WDR43: variants seen among roughly 807,000 people sequenced by gnomAD.
WDR43 encodes the protein WD repeat domain 43.
A neutral mutation model predicts 91.4 loss-of-function variants in WDR43; 13 were observed. The ratio of observed to expected loss-of-function variants is 0.14; its 90% CI spans 0.09 to 0.23. The LOEUF (loss-of-function observed/expected upper bound fraction) is 0.23. Among genes scored for constraint, WDR43 ranks in the 10% least tolerant of loss-of-function variants. WDR43 has a pLI of 1.00. For missense variants in WDR43, 780 were observed against 809.4 expected, an observed-to-expected ratio of 0.96 and a Z score of 0.44; for synonymous variants, 331 against 287.9, an observed-to-expected ratio of 1.15 and a Z score of -1.51.
chr2:28,927,781 C>A, intron 10 of WDR43, 81 bp downstream of exon 10: 1 of 1,556,376 alleles, frequency 6.4e-7, no homozygotes, highest in Non-Finnish European at 8.8e-7. Flanking sequence ...TTGGATAGAG[C>A]CAAAGTTAAA....
intron 13 of WDR43, 137 bp from the exon 14 acceptor site, chr2:28,937,793 AC>A: frequency 2.6e-6 from 2 of 774,514 alleles, no homozygotes; most frequent in Non-Finnish European, 4.2e-6. Flanking sequence ...TGATATATAC[AC>A]AGTGATATAT....
rs115505547 is a variant in WDR43 at position 28,904,674 on chromosome 2, A to G, written c.364-1786A>G. On this transcript the variant is annotated intron_variant, in intron 2 of 17. Coordinates refer to ENST00000407426, the MANE Select transcript of WDR43 (RefSeq NM_015131.3). The stretch of plus-strand genomic sequence containing the variant: ...TTCTTTCTGTGGAATGTATCTGTTC[A>G]TATCCTTTAGTTACTTGCGTGTATA... Among the ~76,000 whole-genome samples the G allele has an allele frequency of 4.8e-3, 734 of 152,362 alleles. 6 individuals are homozygous for G. Among genetic ancestry groups the G allele is most frequent in the African/African-American group, 0.016 (679 of 41,586 alleles).
intron 12 of WDR43, among the ~76,000 whole-genome samples, chr2:28,936,559 G>T (rs890424770): frequency 1.8e-4 from 28 of 152,088 alleles, no homozygotes; most frequent in African/African-American, 6.8e-4. Flanking sequence ...CTCTTTTAAA[G>T]TATACATTTT....
intron 2 of WDR43, 138 bp downstream of exon 2, chr2:28,902,262 TAACTG>T (rs1167453568): frequency 4.2e-5 from 35 of 832,240 alleles, no homozygotes; most frequent in South Asian, 3.4e-4. Flanking sequence ...TACGTTTAAA[TAACTG>T]AATAGTAATA....
At chr2:28,932,924 G>T (rs1055909748) in intron 11 of WDR43, among the ~76,000 whole-genome samples, 4 of 152,064 alleles carry the variant, frequency 2.6e-5, no homozygotes, top group Admixed American at 1.3e-4. Context: ...AATACCTAGG[G>T]TATATCTAAA....
At chr2:28,931,088 T>C (rs1204018843) in intron 11 of WDR43, among the ~76,000 whole-genome samples, 1 of 151,668 alleles carries the variant, frequency 6.6e-6, no homozygotes, top group East Asian at 1.9e-4. Flanking sequence ...TTTTTTTTTT[T>C]TTTTGGAGAT....
chr2:28,940,198 G>C (rs1671409505), intron 14 of WDR43, among the ~76,000 whole-genome samples: 1 of 151,470 alleles, frequency 6.6e-6, no homozygotes, highest in Non-Finnish European at 1.5e-5. Flanking sequence ...ACGGGGGTAG[G>C]GGGTGAGGTG....
intron 11 of WDR43, among the ~76,000 whole-genome samples, chr2:28,934,953 T>G (rs1314351693): frequency 1.3e-5 from 2 of 152,128 alleles, no homozygotes; most frequent in Non-Finnish European, 2.9e-5. Flanking sequence ...AAGGTGTGCT[T>G]CTAAGGGGCA....
intron 16 of WDR43, among the ~76,000 whole-genome samples, chr2:28,946,011 G>C (rs985512648): frequency 1.8e-4 from 27 of 152,304 alleles, no homozygotes; most frequent in African/African-American, 6.3e-4. Context: ...GATCTTGAAG[G>C]AATAATATAA....
At chr2:28,929,971 T>C (rs2148193862) in intron 11 of WDR43, 5 of 567,204 alleles carry the variant, frequency 8.8e-6, no homozygotes, top group Non-Finnish European at 1.7e-5. Flanking sequence ...GTTATTAGGC[T>C]TTAGTTCATA....
chr2:28,938,583 TTATC>T lies in WDR43; in HGVS notation c.1620+592_1620+595del, dbSNP rs771346129. ...AATAAAAGTATTCAATTTTTTTTCTTTATCTAGTGCTTTACTTTAAGCTTTAAGT... is the reference window on the plus strand; with the variant it reads ...AATAAAAGTATTCAATTTTTTTTCTTTAGTGCTTTACTTTAAGCTTTAAGT... On this transcript the variant is annotated intron_variant, in intron 14 of 17. Coordinates refer to ENST00000407426, the MANE Select transcript of WDR43 (RefSeq NM_015131.3). 2.6e-5 allele frequency among the ~76,000 whole-genome samples: 4 copies of T among 152,228 alleles called. No homozygotes were observed. In the East Asian group the frequency reaches 5.8e-4, roughly 22 times the overall value.
At chr2:28,915,655 T>C (rs1452701648) in intron 5 of WDR43, among the ~76,000 whole-genome samples, 1 of 152,188 alleles carries the variant, frequency 6.6e-6, no homozygotes. Flanking sequence ...TAAATTTGCA[T>C]GGGGATAGGT....
rs758551615 is a variant in WDR43 at position 28,941,585 on chromosome 2, C to A, written c.1734+11C>A. On this transcript the variant is annotated intron_variant, in intron 15 of 17. Coordinates refer to ENST00000407426, the MANE Select transcript of WDR43 (RefSeq NM_015131.3). Reference sequence around the variant, plus strand: ...CTTCTAATTACACAAGTGAGTAAATCATATTGTTCTGGGCTAAAACTTTTG... The same window carrying A: ...CTTCTAATTACACAAGTGAGTAAATAATATTGTTCTGGGCTAAAACTTTTG... 2.8e-4 allele frequency: 443 copies of A among 1,587,544 alleles called. No homozygotes were observed. Among genetic ancestry groups the A allele is most frequent in the Non-Finnish European group, 3.7e-4 (428 of 1,161,188 alleles).
intron 3 of WDR43, 77 bp from the exon 4 acceptor site, chr2:28,912,513 G>A: frequency 6.5e-7 from 1 of 1,533,286 alleles, no homozygotes; most frequent in Admixed American, 2.0e-5. Flanking sequence ...TGTTCAGTTT[G>A]TTTTTTTGTT....
chr2:28,914,049 T>G lies in WDR43; in HGVS notation c.607-20T>G, dbSNP rs921608432. 6.2e-7 allele frequency: 1 copy of G among 1,610,972 alleles called. No homozygotes were observed. Among genetic ancestry groups the G allele is most frequent in the Non-Finnish European group, 8.5e-7 (1 of 1,177,948 alleles). On this transcript the variant is annotated intron_variant, in intron 4 of 17. Coordinates refer to ENST00000407426, the MANE Select transcript of WDR43 (RefSeq NM_015131.3). The stretch of plus-strand genomic sequence containing the variant: ...CCTGCTTTGAATCTGCTCTCCTAAC[T>G]GAGATTTAACTTTCTCTAGCATTTC...
intron 11 of WDR43, among the ~76,000 whole-genome samples, 172 bp from the exon 12 acceptor site, chr2:28,935,349 A>G (rs938497448): frequency 1.3e-5 from 2 of 152,126 alleles, no homozygotes; most frequent in African/African-American, 4.8e-5. Flanking sequence ...AAGACGTAAT[A>G]TAACATACTC....
intron 14 of WDR43, among the ~76,000 whole-genome samples, chr2:28,938,659 A>C (rs1403891047): frequency 6.6e-6 from 1 of 152,182 alleles, no homozygotes; most frequent in Non-Finnish European, 1.5e-5. Flanking sequence ...TTTAAAATGT[A>C]GCTCTTCTTA....
intron 5 of WDR43, among the ~76,000 whole-genome samples, chr2:28,917,424 A>G (rs750160215): frequency 2.0e-5 from 3 of 152,228 alleles, no homozygotes; most frequent in African/African-American, 7.2e-5. Flanking sequence ...TACAGATTCA[A>G]CGCAGACGCA....
chr2:28,945,755 T>C (rs532564399), intron 16 of WDR43, among the ~76,000 whole-genome samples: 4 of 152,248 alleles, frequency 2.6e-5, no homozygotes, highest in Non-Finnish European at 4.4e-5. Flanking sequence ...TCTAGCTGTG[T>C]TAATTTTTGT....
Sources: gnomAD v4.1 joint callset for allele counts (sites outside exome capture counted in the v4.1 genomes callset) on GRCh38, gnomAD v4.1.1 for gene constraint, MANE v1.5 for transcripts, NCBI Gene and HGNC (gene_info 2026-07-23, HGNC 2026-07-21) for gene names.